The following CFAP95 variants were observed in gnomAD, a reference collection of about 807,000 sequenced individuals.
CFAP95 encodes the protein cilia- and flagella-associated protein 95.
the CFAP95 span, among the ~76,000 whole-genome samples, chr9:69,874,987 C>G: frequency 1.8e-4 from 27 of 152,204 alleles, no homozygotes; most frequent in African/African-American, 6.0e-4. Flanking sequence ...AAGACAATGC[C>G]TAGAAATAAT....
the CFAP95 span, among the ~76,000 whole-genome samples, chr9:69,894,511 G>A: frequency 6.6e-6 from 1 of 152,182 alleles, no homozygotes; most frequent in Non-Finnish European, 1.5e-5. Context: ...TGTCTACCAT[G>A]TTCCAGGCAC....
At chr9:69,843,020 C>T in the CFAP95 span, among the ~76,000 whole-genome samples, 1 of 152,098 alleles carries the variant, frequency 6.6e-6, no homozygotes, top group South Asian at 2.1e-4. Flanking sequence ...GGATTCGGTG[C>T]CCAACCTAGG....
chr9:69,877,002 A>G, the CFAP95 span, among the ~76,000 whole-genome samples: 2 of 152,232 alleles, frequency 1.3e-5, no homozygotes, highest in Non-Finnish European at 2.9e-5. Flanking sequence ...TGTTTATAGT[A>G]TCTTTTGATC....
At chr9:69,858,038 T>G in the CFAP95 span, 1 of 1,522,176 alleles carries the variant, frequency 6.6e-7, no homozygotes, top group Non-Finnish European at 9.1e-7. Flanking sequence ...AAGGTTTGTT[T>G]GCAGGGGCAA....
At chr9:69,848,860 GT>G in the CFAP95 span, among the ~76,000 whole-genome samples, 2 of 152,256 alleles carry the variant, frequency 1.3e-5, no homozygotes, top group East Asian at 3.9e-4. Flanking sequence ...AGCCAGAGAA[GT>G]TTTGTATTAT....
chr9:69,867,376 A>T, the CFAP95 span, among the ~76,000 whole-genome samples: 1 of 152,186 alleles, frequency 6.6e-6, no homozygotes, highest in Admixed American at 6.5e-5. Flanking sequence ...TAACTTTATT[A>T]CAGTAGCCAT....
chr9:69,901,429 G>T, the CFAP95 span, among the ~76,000 whole-genome samples: 1 of 152,134 alleles, frequency 6.6e-6, no homozygotes, highest in Middle Eastern at 3.2e-3. Flanking sequence ...GAGCCACCGC[G>T]CCCGGCCGGT....
chr9:69,869,436 G>T, the CFAP95 span, among the ~76,000 whole-genome samples: 1 of 152,120 alleles, frequency 6.6e-6, no homozygotes, highest in South Asian at 2.1e-4. Flanking sequence ...AATGGTGGTT[G>T]TCAGGACCTG....
the CFAP95 span, among the ~76,000 whole-genome samples, chr9:69,852,823 G>T: frequency 6.6e-6 from 1 of 152,130 alleles, no homozygotes; most frequent in Non-Finnish European, 1.5e-5. Context: ...TCTTGTAATA[G>T]TGCATAAGTC....
chr9:69,875,955 T>C, the CFAP95 span, among the ~76,000 whole-genome samples: 1 of 152,180 alleles, frequency 6.6e-6, no homozygotes, highest in African/African-American at 2.4e-5. Flanking sequence ...TCCTTGAATA[T>C]ATATGTAAGA....
chr9:69,867,504 G>A, the CFAP95 span, among the ~76,000 whole-genome samples: 1 of 152,160 alleles, frequency 6.6e-6, no homozygotes, highest in African/African-American at 2.4e-5. Context: ...GTGGCCACTA[G>A]TTTGCAGAGA....
the CFAP95 span, among the ~76,000 whole-genome samples, chr9:69,862,257 A>G: frequency 1.3e-5 from 2 of 152,204 alleles, no homozygotes; most frequent in Non-Finnish European, 2.9e-5. Flanking sequence ...GTTGTTCTCA[A>G]TTCTTTTTGG....
chr9:69,846,333 A>G, the CFAP95 span, among the ~76,000 whole-genome samples: 1 of 152,142 alleles, frequency 6.6e-6, no homozygotes, highest in African/African-American at 2.4e-5. Context: ...GAGAATGTGT[A>G]AATAAATAGT....
the CFAP95 span, chr9:69,885,254 A>G: frequency 1.3e-5 from 2 of 152,336 alleles, no homozygotes; most frequent in Admixed American, 6.5e-5. Context: ...TCAGTATGCA[A>G]TACTCAGAGG....
chr9:69,847,994 A>G, the CFAP95 span, among the ~76,000 whole-genome samples: 1 of 152,214 alleles, frequency 6.6e-6, no homozygotes, highest in African/African-American at 2.4e-5. Flanking sequence ...AGATGGTGTT[A>G]ATAGGCTCCC....
chr9:69,842,518 A>G, the CFAP95 span, among the ~76,000 whole-genome samples: 31 of 152,352 alleles, frequency 2.0e-4, 1 homozygote, highest in Admixed American at 4.6e-4. Context: ...ATTAGTATTC[A>G]CTATACATAG....
chr9:69,900,132 G>A, the CFAP95 span, among the ~76,000 whole-genome samples: 137 of 152,070 alleles, frequency 9.0e-4, no homozygotes, highest in Admixed American at 1.6e-3. Flanking sequence ...ATTGAGGAGC[G>A]TCTGTATATA....
the CFAP95 span, among the ~76,000 whole-genome samples, chr9:69,853,573 A>G: frequency 2.0e-5 from 3 of 152,350 alleles, no homozygotes; most frequent in East Asian, 5.8e-4. Context: ...ACATATATAC[A>G]AAGCCCAAAA....
At chr9:69,837,728 T>G in the CFAP95 span, among the ~76,000 whole-genome samples, 2 of 152,204 alleles carry the variant, frequency 1.3e-5, no homozygotes, top group Admixed American at 6.5e-5. Context: ...AGAAGCTCTT[T>G]AGTTTAATTA....
Sources: gnomAD v4.1 joint callset for allele counts (sites outside exome capture counted in the v4.1 genomes callset) on GRCh38, gnomAD v4.1.1 for gene constraint, MANE v1.5 for transcripts, NCBI Gene and HGNC (gene_info 2026-07-23, HGNC 2026-07-21) for gene names.